The following DMBT1 variants were observed in gnomAD, a reference collection of about 807,000 sequenced individuals.
DMBT1 encodes the protein deleted in malignant brain tumors 1, also known as scavenger receptor cysteine-rich domain-containing protein DMBT1.
Under a neutral mutation model 252.9 loss-of-function variants are expected in DMBT1, and 198 were observed. That is an observed-to-expected ratio of 0.78 (90% CI 0.70 to 0.88). DMBT1 has a LOEUF of 0.88. Ranked by LOEUF, DMBT1 falls within the 40% of genes least tolerant of loss-of-function variation. DMBT1 has a pLI of 0.00. For synonymous variants in DMBT1, 990 were observed against 942.7 expected (o/e 1.05, Z -0.92); for missense variants, 2,432 against 2,404.7 (o/e 1.01, Z -0.24).
intron 7 of DMBT1, among the ~76,000 whole-genome samples, chr10:122,577,311 G>A (rs1477778481): frequency 6.6e-6 from 1 of 152,168 alleles, no homozygotes; most frequent in African/African-American, 2.4e-5. Flanking sequence ...ATTGTAAATA[G>A]TTCACTTATG....
At chr10:122,635,323 T>C (rs1439336322) in intron 52 of DMBT1, among the ~76,000 whole-genome samples, 1 of 152,216 alleles carries the variant, frequency 6.6e-6, no homozygotes, top group African/African-American at 2.4e-5. Flanking sequence ...TTCATGCATA[T>C]TGATTTTATT....
intron 43 of DMBT1, 106 bp downstream of exon 43, chr10:122,620,397 T>G: frequency 7.2e-7 from 1 of 1,393,822 alleles, no homozygotes; most frequent in Non-Finnish European, 1.0e-6. Context: ...CTGTTTTTCA[T>G]GTTTCCGCGA....
intron 54 of DMBT1, 29 bp from the exon 55 acceptor site, chr10:122,640,011 G>A: frequency 6.2e-7 from 1 of 1,600,692 alleles, no homozygotes; most frequent in Non-Finnish European, 8.5e-7. Context: ...ACATGTGCCT[G>A]ACTCTGCTCT....
chr10:122,579,965 A>C (rs1365111830), intron 10 of DMBT1, 64 bp downstream of exon 10: 57 of 1,610,036 alleles, frequency 3.5e-5, no homozygotes, highest in Non-Finnish European at 4.8e-5. Context: ...GAAACTCCTA[A>C]TTACATTCTG....
chr10:122,632,860 G>T lies in DMBT1; in HGVS notation c.6368-1G>T, dbSNP rs764037687. 31 of 1,613,684 alleles carry T rather than the reference G, an allele frequency of 1.9e-5. No individual in the cohort carries two copies. The highest frequency in any genetic ancestry group is 2.5e-5 in the Non-Finnish European group (29 of 1,179,856). The stretch of plus-strand genomic sequence containing the variant: ...TCCTGATCTTTTCTTTTTGTCAACA[G>T]CTCCTTTTCTCAACATCACCCGTCC... On this transcript the variant is annotated splice_acceptor_variant, in intron 50 of 55. Transcript: ENST00000338354. LOFTEE classifies it high-confidence loss of function.
rs1288703377 is a variant in DMBT1 at position 122,640,029 on chromosome 10, G to A, written c.6943-11G>A. ...TGTGCCTGACTCTGCTCTCTTGCCTGCCTCTCCTAGGCAGACAATGACACC... is the reference window on the plus strand; with the variant it reads ...TGTGCCTGACTCTGCTCTCTTGCCTACCTCTCCTAGGCAGACAATGACACC... On this transcript the variant is annotated splice_polypyrimidine_tract_variant and intron_variant, in intron 54 of 55. Transcript: ENST00000338354. 3 of 1,609,324 alleles carry A rather than the reference G, an allele frequency of 1.9e-6. No individual in the cohort carries two copies. In the Admixed American group the frequency reaches 5.0e-5, roughly 27 times the overall value.
intron 27 of DMBT1, among the ~76,000 whole-genome samples, chr10:122,600,576 A>C (rs949652097): frequency 6.6e-6 from 1 of 152,170 alleles, no homozygotes; most frequent in Admixed American, 6.5e-5. Context: ...GGAGAGGGAT[A>C]ATAAAGGTTT....
At position 122,591,509 on chromosome 10, in the gene DMBT1, C is replaced by T. The variant is rs761641632; in HGVS notation, c.2168C>T (p.Ser723Leu). The T allele has an allele frequency of 8.2e-6, 13 of 1,586,262 alleles. No individual in the cohort carries two copies. The highest frequency in any genetic ancestry group is 4.7e-5 in the East Asian group (2 of 42,650). The change falls in exon 19 of 56, where the codon TCG becomes TTG. Residue 723 changes from serine (S) to leucine (L), a missense_variant. Physicochemically the swap from Ser to Leu is moderately radical, Grantham distance 145. Around this residue, in one of 3 missense-constraint regions of DMBT1, gnomAD observed 1,264 missense variants for 1,082.2 expected, o/e 1.17. Coordinates refer to ENST00000338354, the MANE Select transcript of DMBT1 (RefSeq NM_001377530.1). ...TTGTCGACCATCACGTTACCTCCAT[C>T]GACAGTAGGTAAATAATCCTCTCAC... ...DTLSTITLPP[S>L]TVGSESSLTL...
chr10:122,585,908 G>C (rs960297487), intron 15 of DMBT1, among the ~76,000 whole-genome samples, 152 bp from the exon 16 acceptor site: 1 of 148,998 alleles, frequency 6.7e-6, no homozygotes, highest in African/African-American at 2.4e-5. Context: ...CTTTGACTTT[G>C]ATGAAGCTGA....
At chr10:122,577,678 A>G in intron 7 of DMBT1, 133 bp from the exon 8 acceptor site, 2 of 957,888 alleles carry the variant, frequency 2.1e-6, no homozygotes, top group East Asian at 2.7e-5. Flanking sequence ...CACGGTGGGC[A>G]CTGGCAGGGC....
At position 122,587,222 on chromosome 10, in the gene DMBT1, T is replaced by C. The variant is rs1331234510; in HGVS notation, c.1783+839T>C. Among the ~76,000 whole-genome samples the C allele has an allele frequency of 1.4e-5, 2 of 147,918 alleles. 1 individual carries two copies. Among genetic ancestry groups the C allele is most frequent in the Non-Finnish European group, 3.0e-5 (2 of 66,480 alleles). On this transcript the variant is annotated intron_variant, in intron 16 of 55. Coordinates refer to ENST00000338354, the MANE Select transcript of DMBT1 (RefSeq NM_001377530.1). ...AGGTGGATGCAGCACATATAGGCAT[T>C]GAGGGAGGGACGGTCTGACTGGGAG...
Position 122,586,282 on chromosome 10 carries a change from T to A in DMBT1, c.1682T>A (p.Val561Glu). 1 of 1,588,702 alleles carries A rather than the reference T, an allele frequency of 6.3e-7. No homozygotes were observed. The highest frequency in any genetic ancestry group is 8.6e-7 in the Non-Finnish European group (1 of 1,165,842). Residue 561 changes from valine (V) to glutamate (E), a missense_variant, in exon 16 of 56, where the codon GTG (valine) becomes GAG (glutamate). This residue lies in a region of DMBT1 where 1,264 missense variants were observed against 1,082.2 expected (regional missense o/e 1.17). Transcript: ENST00000338354. ...TCAGGACCCATTGTCCTGGATGACGTGCGCTGCTCAGGGAATGAGTCCTAC... is the reference window on the plus strand; with the variant it reads ...TCAGGACCCATTGTCCTGGATGACGAGCGCTGCTCAGGGAATGAGTCCTAC... ...QGSGPIVLDDVRCSGNESYLW... is the reference protein window; with the variant it reads ...QGSGPIVLDDERCSGNESYLW...
chr10:122,618,069 A>G lies in DMBT1; in HGVS notation c.4944A>G (p.Arg1648=), dbSNP rs539931864. 5.0e-6 allele frequency: 8 copies of G among 1,613,674 alleles called. No individual in the cohort carries two copies. The highest frequency in any genetic ancestry group is 1.1e-5 in the South Asian group (1 of 91,064). Residue 1648 remains arginine (R), a synonymous_variant, in exon 41 of 56, where the codon CGA becomes CGG. Transcript: ENST00000338354. ...LRLVNGGDRC[R]GRVEVLYQGS... ...TGGTGAATGGAGGTGACAGGTGTCG[A>G]GGCCGAGTGGAGGTCCTATACCAAG...
chr10:122,640,390 C>T lies in DMBT1; in HGVS notation c.7293C>T (p.Cys2431=), dbSNP rs765891137. 1.9e-6 allele frequency: 3 copies of T among 1,613,880 alleles called. No homozygotes were observed. The highest frequency in any genetic ancestry group is 2.5e-6 in the Non-Finnish European group (3 of 1,179,910). The change falls in exon 55 of 56, where the codon TGC becomes TGT. Residue 2431 remains cysteine (C), a synonymous_variant. Transcript: ENST00000338354. ...DAVLTLFVDT[C]VASPYSNDFT... Reference sequence around the variant, plus strand: ...TACTGACCTTGTTTGTGGACACCTGCGTGGCATCACCATACTCCAATGACT... The same window carrying T: ...TACTGACCTTGTTTGTGGACACCTGTGTGGCATCACCATACTCCAATGACT...
At chr10:122,620,425 A>G (rs1435488654) in intron 43 of DMBT1, 134 bp downstream of exon 43, 1 of 1,034,650 alleles carries the variant, frequency 9.7e-7, no homozygotes, top group South Asian at 1.5e-5. Flanking sequence ...GGGGAGGTAG[A>G]CTCCCTGGGA....
In DMBT1 at chr10:122,643,547, C is replaced by CCAA; in HGVS notation, c.*149_*150insCAA. On this transcript the variant is annotated 3_prime_UTR_variant, in exon 56 of 56. Transcript: ENST00000338354. ...ACGGAGTTGAATCAGACCTGGTTCC[C>CCAA]GCCTCCCCCAAGGCTCATGGTCCTT... 9 of 1,171,306 alleles carry CCAA rather than the reference C, an allele frequency of 7.7e-6. No homozygotes were observed. The highest frequency in any genetic ancestry group is 1.1e-5 in the Non-Finnish European group (9 of 852,414). 72.6% of individuals were successfully genotyped at this position (1,171,306 alleles called of 1,614,324 possible).
intron 6 of DMBT1, among the ~76,000 whole-genome samples, chr10:122,574,185 C>T (rs1591205825): frequency 1.3e-5 from 2 of 152,292 alleles, no homozygotes; most frequent in Middle Eastern, 6.8e-3. Flanking sequence ...TTTCTTTAAG[C>T]CTATATTATG....
At chr10:122,561,676 CTCTG>C (rs927051326) in intron 1 of DMBT1, among the ~76,000 whole-genome samples, 1 of 151,370 alleles carries the variant, frequency 6.6e-6, no homozygotes, top group Non-Finnish European at 1.5e-5. Context: ...TTCTCTCTCT[CTCTG>C]TATCTTTCTC....
In DMBT1 at chr10:122,630,311, G is replaced by A. The variant is rs773141977; in HGVS notation, c.5846G>A (p.Ser1949Asn). The A allele has an allele frequency of 6.2e-7, 1 of 1,614,014 alleles. No individual in the cohort carries two copies. Among genetic ancestry groups the A allele is most frequent in the South Asian group, 1.1e-5 (1 of 91,078 alleles). ...AGATTGGAGGCACACCATAACTGCA[G>A]TTTTGATTATGTTGAAATCTTTGAT... is the stretch of plus-strand genomic sequence containing the variant. ...NLKLEAHHNCSFDYVEIFDGS... is the reference protein window; with the variant it reads ...NLKLEAHHNCNFDYVEIFDGS... The change falls in exon 48 of 56, where the codon AGT becomes AAT. Residue 1949 changes from serine (S) to asparagine (N), a missense_variant. Ser to Asn is a conservative substitution (Grantham distance 46, BLOSUM62 1). Around this residue, in one of 3 missense-constraint regions of DMBT1, gnomAD observed 1,162 missense variants for 1,169.0 expected, o/e 0.99. Transcript: ENST00000338354.
Sources: allele counts gnomAD v4.1 joint callset (sites outside exome capture counted in the v4.1 genomes callset), GRCh38; gene constraint gnomAD v4.1.1; regional missense constraint gnomAD v4.1.1; transcripts MANE v1.5; gene names NCBI Gene and HGNC (gene_info 2026-07-23, HGNC 2026-07-21).